FRMPD4: variants seen among roughly 807,000 people sequenced by gnomAD.
The protein encoded by FRMPD4 is FERM and PDZ domain containing 4, also known as FERM and PDZ domain-containing protein 4.
FRMPD4 carries 22 observed loss-of-function variants against 94.1 expected under a neutral mutation model. The ratio of observed to expected loss-of-function variants is 0.23; its 90% CI spans 0.17 to 0.33. The LOEUF (loss-of-function observed/expected upper bound fraction) is 0.33. Ranked by LOEUF, FRMPD4 falls within the 10% of genes least tolerant of loss-of-function variation. The pLI is 1.00. For missense variants in FRMPD4, 1,111 were observed against 1,339.9 expected (o/e 0.83, Z 2.67); for synonymous variants, 631 against 548.6 (o/e 1.15, Z -2.10).
At chrX:12,700,354 G>A (rs1176921198) in intron 9 of FRMPD4, among the ~76,000 whole-genome samples, 1 of 112,389 alleles carries the variant, frequency 8.9e-6, no homozygotes, top group African/African-American at 3.2e-5. Flanking sequence ...TTCTAGCCCA[G>A]GAATCCAGTT....
At chrX:12,172,945 C>T (rs182848251) in intron 1 of FRMPD4, among the ~76,000 whole-genome samples, 4 of 112,905 alleles carry the variant, frequency 3.5e-5, no homozygotes, top group East Asian at 2.8e-4. Flanking sequence ...TTATAGTCTC[C>T]GCTTTACATT....
intron 2 of FRMPD4, among the ~76,000 whole-genome samples, chrX:12,557,807 G>T (rs1189232710): frequency 1.3e-5 from 1 of 76,885 alleles, no homozygotes; most frequent in Non-Finnish European, 2.5e-5. Context: ...CAATCCCTTG[G>T]TGGATCTCAT....
intron 2 of FRMPD4, among the ~76,000 whole-genome samples, chrX:12,584,112 C>T (rs767261659): frequency 8.9e-6 from 1 of 112,200 alleles, no homozygotes; most frequent in Non-Finnish European, 1.9e-5. Flanking sequence ...AAGGGATTAG[C>T]GTTCCTCAAA....
chrX:12,436,276 A>T, intron 1 of FRMPD4, among the ~76,000 whole-genome samples: 1 of 111,567 alleles, frequency 9.0e-6, no homozygotes, highest in Admixed American at 9.5e-5. Flanking sequence ...GAATGCTGGG[A>T]TTACAGGCGT....
chrX:12,713,506 C>G (rs200058973), intron 14 of FRMPD4, among the ~76,000 whole-genome samples: 2 of 105,698 alleles, frequency 1.9e-5, no homozygotes, highest in Non-Finnish European at 1.9e-5. Context: ...GAGAGAGAGA[C>G]AGAGAGAGAG....
At chrX:12,384,118 G>A (rs2056364567) in intron 1 of FRMPD4, among the ~76,000 whole-genome samples, 1 of 111,782 alleles carries the variant, frequency 8.9e-6, no homozygotes, top group Admixed American at 9.5e-5. Context: ...ATTACATGAG[G>A]TACCACCCCC....
At chrX:12,000,012 G>A (rs1184856284) in intron 3 of FRMPD4, among the ~76,000 whole-genome samples, 7 of 111,964 alleles carry the variant, frequency 6.3e-5, no homozygotes, top group African/African-American at 2.3e-4. Context: ...AACTCAACTT[G>A]ACATTTAAAA....
chrX:11,976,121 T>C (rs1454939367), intron 3 of FRMPD4, among the ~76,000 whole-genome samples: 1 of 111,845 alleles, frequency 8.9e-6, no homozygotes, highest in Non-Finnish European at 1.9e-5. Flanking sequence ...TTGAACACTC[T>C]GTCTCTGACT....
At chrX:12,250,072 T>G (rs12399834) in intron 1 of FRMPD4, among the ~76,000 whole-genome samples, 48 of 91,431 alleles carry the variant, frequency 5.2e-4, no homozygotes, top group Middle Eastern at 5.2e-3. Context: ...GTTTGTGTGT[T>G]TGTGTGTGTG....
intron 2 of FRMPD4, among the ~76,000 whole-genome samples, chrX:12,507,486 T>C (rs1369319480): frequency 8.9e-6 from 1 of 112,374 alleles, no homozygotes; most frequent in Non-Finnish European, 1.9e-5. Flanking sequence ...TATAGTACTT[T>C]GCCAATCCCT....
At chrX:12,131,341 A>T (rs1039979168) in intron 3 of FRMPD4, among the ~76,000 whole-genome samples, 5 of 112,242 alleles carry the variant, frequency 4.5e-5, no homozygotes, top group African/African-American at 1.6e-4. Flanking sequence ...ACCAATGTAG[A>T]TGGAATCTCA....
chrX:12,704,309 T>C (rs1030745894), intron 10 of FRMPD4, 50 bp from the exon 11 acceptor site: 2 of 1,011,431 alleles, frequency 2.0e-6, no homozygotes, highest in Non-Finnish European at 2.7e-6. Flanking sequence ...TTGTCTTAGA[T>C]AACTCATCAT....
chrX:11,999,417 C>T (rs1322475194), intron 3 of FRMPD4, among the ~76,000 whole-genome samples: 3 of 112,233 alleles, frequency 2.7e-5, no homozygotes, highest in African/African-American at 9.7e-5. Context: ...AGCACAGTCT[C>T]ATAAATTAAC....
At chrX:12,211,071 A>G (rs976122043) in intron 1 of FRMPD4, among the ~76,000 whole-genome samples, 2 of 112,404 alleles carry the variant, frequency 1.8e-5, no homozygotes, top group Non-Finnish European at 1.9e-5. Context: ...TTACGATCTC[A>G]GTAAAAACTC....
chrX:12,470,279 T>G (rs1410892859), intron 1 of FRMPD4, among the ~76,000 whole-genome samples: 1 of 111,965 alleles, frequency 8.9e-6, no homozygotes, highest in Admixed American at 9.5e-5. Context: ...GTCGTTAACA[T>G]CTCTATATTC....
chrX:12,399,772 G>T (rs999706764), intron 1 of FRMPD4, among the ~76,000 whole-genome samples: 1 of 111,669 alleles, frequency 9.0e-6, no homozygotes, highest in Admixed American at 9.5e-5. Context: ...TGTCTCAGGG[G>T]TGCCAGAGGC....
intron 1 of FRMPD4, among the ~76,000 whole-genome samples, chrX:11,863,960 T>C (rs1383891407): frequency 8.9e-6 from 1 of 111,988 alleles, no homozygotes; most frequent in East Asian, 2.8e-4. Context: ...TTGAAGCTTG[T>C]ATGTTGTTTG....
chrX:11,999,305 A>G (rs1165648077), intron 3 of FRMPD4, among the ~76,000 whole-genome samples: 1 of 111,920 alleles, frequency 8.9e-6, no homozygotes, highest in Admixed American at 9.5e-5. Context: ...AAAGCAATAA[A>G]GATATTGCTA....
At chrX:12,253,380 A>G (rs1434962708) in intron 1 of FRMPD4, among the ~76,000 whole-genome samples, 2 of 112,362 alleles carry the variant, frequency 1.8e-5, no homozygotes, top group Non-Finnish European at 3.8e-5. Context: ...TATTTTCATA[A>G]TAATTTGTGG....
Sources: allele counts gnomAD v4.1 joint callset (sites outside exome capture counted in the v4.1 genomes callset), GRCh38; gene constraint gnomAD v4.1.1; transcripts MANE v1.5; gene names NCBI Gene and HGNC (gene_info 2026-07-23, HGNC 2026-07-21).